The following MORC1 variants were observed in gnomAD, a reference collection of about 807,000 sequenced individuals.
MORC1 encodes the protein MORC family CW-type zinc finger 1.
A neutral mutation model predicts 134.9 loss-of-function variants in MORC1; 59 were observed. The observed-to-expected ratio is 0.44, with a 90% CI of 0.35 to 0.54. The LOEUF is 0.54. MORC1 is among the 20% of genes least tolerant of loss of function. The pLI is 0.00. For missense variants in MORC1, 947 were observed against 1,134.5 expected, an observed-to-expected ratio of 0.83 and a Z score of 2.37; for synonymous variants, 395 against 391.7, an observed-to-expected ratio of 1.01 and a Z score of -0.10.
At chr3:109,090,667 C>T (rs980408537) in intron 8 of MORC1, among the ~76,000 whole-genome samples, 5 of 147,934 alleles carry the variant, frequency 3.4e-5, no homozygotes, top group African/African-American at 1.3e-4. Context: ...TTCACAAGGA[C>T]TATGTGAAAT....
chr3:109,075,126 T>C (rs943130278), intron 8 of MORC1, among the ~76,000 whole-genome samples: 1 of 152,188 alleles, frequency 6.6e-6, no homozygotes, highest in Non-Finnish European at 1.5e-5. Flanking sequence ...CATATGGCAG[T>C]AGACAATCAA....
At chr3:109,116,285 C>T (rs540542761) in intron 1 of MORC1, among the ~76,000 whole-genome samples, 1 of 152,290 alleles carries the variant, frequency 6.6e-6, no homozygotes, top group East Asian at 1.9e-4. Context: ...AAGCAAAGAA[C>T]CCAGTTAAGA....
At chr3:109,062,231 G>A (rs1057236661) in intron 10 of MORC1, among the ~76,000 whole-genome samples, 173 bp from the exon 11 acceptor site, 3 of 151,872 alleles carry the variant, frequency 2.0e-5, no homozygotes, top group Non-Finnish European at 4.4e-5. Flanking sequence ...CTTCTATTGG[G>A]GTTTCATTTA....
At chr3:109,029,736 G>A (rs781017279) in intron 16 of MORC1, among the ~76,000 whole-genome samples, 8 of 152,072 alleles carry the variant, frequency 5.3e-5, no homozygotes, top group Non-Finnish European at 7.4e-5. Context: ...TACCCTCTCC[G>A]GGTATTACTG....
At chr3:109,047,867 A>G (rs1199946340) in intron 14 of MORC1, among the ~76,000 whole-genome samples, 1 of 152,196 alleles carries the variant, frequency 6.6e-6, no homozygotes, top group African/African-American at 2.4e-5. Flanking sequence ...AGAAAACATA[A>G]TAGAATGAGA....
chr3:109,019,831 G>A (rs1212411373), intron 17 of MORC1, among the ~76,000 whole-genome samples: 2 of 152,130 alleles, frequency 1.3e-5, no homozygotes, highest in East Asian at 3.9e-4. Context: ...GGTTCCTACA[G>A]TTACAGGAAT....
At chr3:108,969,366 A>G (rs1947310425) in intron 26 of MORC1, among the ~76,000 whole-genome samples, 1 of 152,212 alleles carries the variant, frequency 6.6e-6, no homozygotes, top group Non-Finnish European at 1.5e-5. Context: ...TTTCTGCTTC[A>G]GTCTAGCATT....
intron 8 of MORC1, among the ~76,000 whole-genome samples, chr3:109,078,721 A>T (rs192251953): frequency 1.2e-3 from 175 of 152,054 alleles, no homozygotes; most frequent in African/African-American, 4.1e-3. Flanking sequence ...ACTTAATTTT[A>T]AAAATCCAAA....
In MORC1 at chr3:109,062,160, C is replaced by T. The variant is rs113049261; in HGVS notation, c.896-102G>A. 526 of 1,002,720 alleles carry T rather than the reference C, an allele frequency of 5.2e-4. 3 individuals carry two copies. In the African/African-American group the frequency reaches 6.7e-3, roughly 13 times the overall value. 62.1% of individuals were successfully genotyped at this position (1,002,720 alleles called of 1,614,324 possible). Reference sequence around the variant, plus strand: ...TAGCATGACCAGTGAAAAAGGCATACAGACCATGATCTGAGAAAACCCTAT... The same window carrying T: ...TAGCATGACCAGTGAAAAAGGCATATAGACCATGATCTGAGAAAACCCTAT... On this transcript the variant is annotated intron_variant, in intron 10 of 27. Transcript: ENST00000232603.
chr3:109,020,252 G>C (rs1240639878), intron 17 of MORC1, among the ~76,000 whole-genome samples: 1 of 152,158 alleles, frequency 6.6e-6, no homozygotes, highest in Non-Finnish European at 1.5e-5. Context: ...TAGTGGTCTT[G>C]GCTTGTGCCT....
chr3:108,984,848 T>C (rs1212032772), intron 22 of MORC1, 66 bp from the exon 23 acceptor site: 2 of 1,308,030 alleles, frequency 1.5e-6, no homozygotes, highest in African/African-American at 2.9e-5. Flanking sequence ...CCAAAAGAAA[T>C]GTTAGCAGTT....
At position 108,979,663 on chromosome 3, in the gene MORC1, G is replaced by A; in HGVS notation, c.2329C>T (p.Leu777Phe). Reference protein sequence around the residue: ...SSSLPSWKSLLNVPMEDVNLS... With the variant: ...SSSLPSWKSLFNVPMEDVNLS... ...TTCACATCTTCCATCGGCACATTGA[G>A]CAAGCTGAGGTTTGTCATTTCAAAG... The change falls in exon 24 of 28, where the codon CTC becomes TTC. Residue 777 changes from leucine (L) to phenylalanine (F), a missense_variant. Leu to Phe is a conservative substitution (Grantham distance 22, BLOSUM62 0). Coordinates refer to ENST00000232603, the MANE Select transcript of MORC1 (RefSeq NM_014429.4). 6.2e-7 allele frequency: 1 copy of A among 1,613,042 alleles called. No homozygotes were observed. The highest frequency in any genetic ancestry group is 1.1e-5 in the South Asian group (1 of 90,700).
At chr3:109,051,411 T>C (rs1949825767) in intron 14 of MORC1, among the ~76,000 whole-genome samples, 2 of 152,228 alleles carry the variant, frequency 1.3e-5, no homozygotes, top group Non-Finnish European at 2.9e-5. Context: ...TATATAACTT[T>C]GGTTATTCCT....
chr3:109,110,417 T>A, intron 3 of MORC1: 1 of 230,606 alleles, frequency 4.3e-6, no homozygotes, highest in Non-Finnish European at 8.3e-6. Context: ...GGGAATGATG[T>A]ATGCTTAATT....
At chr3:109,066,288 C>CT (rs377008017) in intron 9 of MORC1, among the ~76,000 whole-genome samples, 209 of 144,192 alleles carry the variant, frequency 1.4e-3, no homozygotes, top group African/African-American at 1.7e-3. Context: ...CTCTTTTTTT[C>CT]TTTTTTTTTT....
chr3:109,004,551 ATGTGT>A (rs532878510), intron 20 of MORC1, among the ~76,000 whole-genome samples: 26 of 152,218 alleles, frequency 1.7e-4, no homozygotes, highest in Non-Finnish European at 2.6e-4. Flanking sequence ...GTAAGAATAA[ATGTGT>A]TGTGATTCTT....
intron 14 of MORC1, among the ~76,000 whole-genome samples, chr3:109,044,838 G>C (rs1385082067): frequency 3.9e-5 from 5 of 128,930 alleles, no homozygotes; most frequent in Admixed American, 1.6e-4. Context: ...CCAGCTACTT[G>C]GGAGGCTTAG....
At chr3:109,040,530 T>C (rs28794225) in intron 14 of MORC1, among the ~76,000 whole-genome samples, 1 of 141,974 alleles carries the variant, frequency 7.0e-6, no homozygotes, top group Non-Finnish European at 1.6e-5. Flanking sequence ...AACAAAGAAA[T>C]AAAGAAAGAA....
At chr3:108,988,045 TATCTTTC>T (rs1428564692) in intron 21 of MORC1, among the ~76,000 whole-genome samples, 1 of 152,110 alleles carries the variant, frequency 6.6e-6, no homozygotes, top group African/African-American at 2.4e-5. Context: ...ATTGTGGACA[TATCTTTC>T]ATCTTTCATG....
Sources: gnomAD v4.1 joint callset for allele counts (sites outside exome capture counted in the v4.1 genomes callset) on GRCh38, gnomAD v4.1.1 for gene constraint, MANE v1.5 for transcripts, NCBI Gene and HGNC (gene_info 2026-07-23, HGNC 2026-07-21) for gene names.